The following OPCML variants were observed in gnomAD, a reference collection of about 807,000 sequenced individuals.
The protein encoded by OPCML is opioid binding protein/cell adhesion molecule like, also known as opioid-binding protein/cell adhesion molecule.
A neutral mutation model predicts 37.8 loss-of-function variants in OPCML; 13 were observed. That is an observed-to-expected ratio of 0.34 (90% CI 0.22 to 0.55). OPCML has a LOEUF of 0.55. OPCML is among the 20% of genes least tolerant of loss of function. The pLI, the probability that OPCML is intolerant of heterozygous loss-of-function variation, is 0.91. For synonymous variants in OPCML, 176 were observed against 168.8 expected, an observed-to-expected ratio of 1.04 and a Z score of -0.33; for missense variants, 341 against 435.6, an observed-to-expected ratio of 0.78 and a Z score of 1.93.
intron 1 of OPCML, among the ~76,000 whole-genome samples, chr11:133,503,885 C>T (rs779303141): frequency 2.6e-5 from 4 of 152,114 alleles, no homozygotes; most frequent in African/African-American, 4.8e-5. Context: ...CTCTTCCTCC[C>T]GAGGACTAAG....
chr11:133,365,700 C>T (rs1036698062), intron 1 of OPCML: 1 of 152,188 alleles, frequency 6.6e-6, no homozygotes. Context: ...TCAAGGATGC[C>T]ATCTGCTGTC....
At chr11:132,888,320 G>A (rs1943501624) in intron 2 of OPCML, among the ~76,000 whole-genome samples, 1 of 152,140 alleles carries the variant, frequency 6.6e-6, no homozygotes, top group African/African-American at 2.4e-5. Context: ...TATTATTTAG[G>A]TCAGACAGAG....
At chr11:133,341,974 T>C (rs1592217347) in intron 1 of OPCML, among the ~76,000 whole-genome samples, 1 of 151,972 alleles carries the variant, frequency 6.6e-6, no homozygotes, top group East Asian at 1.9e-4. Context: ...CAGGAATTAA[T>C]AACATCGAGC....
intron 2 of OPCML, among the ~76,000 whole-genome samples, chr11:132,923,974 G>C (rs1319132030): frequency 1.3e-5 from 2 of 151,580 alleles, no homozygotes; most frequent in Non-Finnish European, 2.9e-5. Context: ...TGTTGGTCAG[G>C]CTGGTCTCAA....
At chr11:133,395,816 T>C (rs949198081) in intron 1 of OPCML, among the ~76,000 whole-genome samples, 1 of 152,214 alleles carries the variant, frequency 6.6e-6, no homozygotes, top group African/African-American at 2.4e-5. Flanking sequence ...GTTAGGTGTG[T>C]GATCCCTCCA....
chr11:133,244,236 A>T (rs1940836360), intron 1 of OPCML, among the ~76,000 whole-genome samples: 1 of 152,264 alleles, frequency 6.6e-6, no homozygotes, highest in South Asian at 2.1e-4. Flanking sequence ...GAGTTACTTA[A>T]TCTTTCACAT....
chr11:133,394,167 G>A (rs985952079), intron 1 of OPCML, among the ~76,000 whole-genome samples: 2 of 152,130 alleles, frequency 1.3e-5, no homozygotes, highest in Non-Finnish European at 2.9e-5. Context: ...TGGGCTTCTG[G>A]TCTCGCAGGC....
Position 132,748,014 on chromosome 11 carries a change from C to A in OPCML, c.147-90695G>T, listed in dbSNP as rs1002805570. Among the ~76,000 whole-genome samples the A allele has an allele frequency of 1.2e-4, 18 of 148,796 alleles. 1 individual carries two copies. Among genetic ancestry groups the A allele is most frequent in the Admixed American group, 9.4e-4 (14 of 14,924 alleles). On this transcript the variant is annotated intron_variant, in intron 2 of 7. Coordinates refer to ENST00000524381, the MANE Select transcript of OPCML (RefSeq NM_001012393.5). ...AATCCTGATCTTACTCCAATAGATT[C>A]TTTTATTTTAGCCATTCTATTATGT...
chr11:132,724,553 C>T (rs1359008535), intron 2 of OPCML, among the ~76,000 whole-genome samples: 3 of 152,042 alleles, frequency 2.0e-5, no homozygotes, highest in Admixed American at 1.3e-4. Flanking sequence ...CCCTGTCCTC[C>T]CCCCGCACCC....
At chr11:133,514,478 A>T (rs1948221229) in intron 1 of OPCML, among the ~76,000 whole-genome samples, 1 of 152,196 alleles carries the variant, frequency 6.6e-6, no homozygotes, top group Non-Finnish European at 1.5e-5. Context: ...AGTGCTTGGC[A>T]TCTGCCGTTA....
Position 133,029,099 on chromosome 11 carries a change from A to G in OPCML, c.62-86089T>C, listed in dbSNP as rs1947619441. On this transcript the variant is annotated intron_variant, in intron 1 of 7. Coordinates refer to ENST00000524381, the MANE Select transcript of OPCML (RefSeq NM_001012393.5). ...TTAAAAAAGATATACATGCACCAACAAGCATATGAAAAAATGTTCGACATC... is the reference window on the plus strand; with the variant it reads ...TTAAAAAAGATATACATGCACCAACGAGCATATGAAAAAATGTTCGACATC... 4.6e-5 allele frequency among the ~76,000 whole-genome samples: 7 copies of G among 152,340 alleles called. No individual in the cohort carries two copies. In the South Asian group the frequency reaches 1.5e-3, roughly 32 times the overall value.
intron 1 of OPCML, among the ~76,000 whole-genome samples, chr11:133,305,809 A>C (rs966310980): frequency 6.6e-6 from 1 of 152,192 alleles, no homozygotes; most frequent in Admixed American, 6.5e-5. Context: ...TTAGAATTAC[A>C]CAAGTGGGAG....
chr11:132,612,230 A>G (rs1397760448), intron 3 of OPCML, among the ~76,000 whole-genome samples: 1 of 152,234 alleles, frequency 6.6e-6, no homozygotes, highest in African/African-American at 2.4e-5. Flanking sequence ...TCCACATCCA[A>G]AAACCTTTTT....
intron 2 of OPCML, among the ~76,000 whole-genome samples, chr11:132,898,881 G>A (rs923360784): frequency 3.4e-5 from 5 of 146,992 alleles, no homozygotes; most frequent in Non-Finnish European, 7.4e-5. Flanking sequence ...TCATGCTTCT[G>A]AGTCAACTGG....
At chr11:133,220,957 G>A (rs751064624) in intron 1 of OPCML, among the ~76,000 whole-genome samples, 16 of 152,148 alleles carry the variant, frequency 1.1e-4, no homozygotes, top group South Asian at 2.1e-4. Flanking sequence ...CTAATCTCAC[G>A]GCTGTATGGC....
chr11:133,115,045 C>A (rs1365995742), intron 1 of OPCML, among the ~76,000 whole-genome samples: 1 of 152,124 alleles, frequency 6.6e-6, no homozygotes, highest in Admixed American at 6.5e-5. Flanking sequence ...TAGTTAAATT[C>A]TGCTTATAAA....
At chr11:132,671,376 A>G (rs1021417057) in intron 2 of OPCML, among the ~76,000 whole-genome samples, 11 of 152,258 alleles carry the variant, frequency 7.2e-5, no homozygotes, top group Admixed American at 6.5e-4. Context: ...GCCCAGAGAG[A>G]TATTCCCTGG....
At chr11:133,377,446 C>G (rs1322058062) in intron 1 of OPCML, among the ~76,000 whole-genome samples, 3 of 151,772 alleles carry the variant, frequency 2.0e-5, no homozygotes, top group Non-Finnish European at 2.9e-5. Context: ...GGATGGCAGG[C>G]AAAGGCAAGA....
intron 2 of OPCML, among the ~76,000 whole-genome samples, chr11:132,866,069 A>C (rs1156291854): frequency 6.6e-6 from 1 of 151,876 alleles, no homozygotes; most frequent in Non-Finnish European, 1.5e-5. Context: ...TCTTCTCCTC[A>C]GGAAAAAAAA....
Sources: gnomAD v4.1 joint callset for allele counts (sites outside exome capture counted in the v4.1 genomes callset) on GRCh38, gnomAD v4.1.1 for gene constraint, MANE v1.5 for transcripts, NCBI Gene and HGNC (gene_info 2026-07-23, HGNC 2026-07-21) for gene names.